The following ADGRG6 variants were observed in gnomAD, a reference collection of about 807,000 sequenced individuals.
ADGRG6 encodes the protein G-protein coupled receptor 126.
ADGRG6 carries 84 observed loss-of-function variants against 142.4 expected under a neutral mutation model. The ratio of observed to expected loss-of-function variants is 0.59; its 90% CI spans 0.49 to 0.71. The LOEUF (loss-of-function observed/expected upper bound fraction) is 0.71. ADGRG6 is among the 30% of genes least tolerant of loss of function. The pLI is 0.00. For missense variants in ADGRG6, 1,367 were observed against 1,466.6 expected, an observed-to-expected ratio of 0.93 and a Z score of 1.11; for synonymous variants, 521 against 520.5, an observed-to-expected ratio of 1.00 and a Z score of -0.01.
At chr6:142,395,055 T>A (rs1147840) in intron 9 of ADGRG6, among the ~76,000 whole-genome samples, 1 of 152,146 alleles carries the variant, frequency 6.6e-6, no homozygotes, top group African/African-American at 2.4e-5. Flanking sequence ...AAATTTCATA[T>A]GAGAATTGAC....
At position 142,324,942 on chromosome 6, in the gene ADGRG6, C is replaced by A. The variant is rs187474779; in HGVS notation, c.103+15298C>A. ...AGGGAGACATTTATAATTAAGGCAACGTATCCACTCTTCAGTTTGATGTGA... is the reference window on the plus strand; with the variant it reads ...AGGGAGACATTTATAATTAAGGCAAAGTATCCACTCTTCAGTTTGATGTGA... On this transcript the variant is annotated intron_variant, in intron 2 of 24. Transcript: ENST00000367609. 1.5e-3 allele frequency among the ~76,000 whole-genome samples: 222 copies of A among 152,122 alleles called. 2 individuals carry two copies. The highest frequency in any genetic ancestry group is 6.8e-3 in the Middle Eastern group (2 of 294).
At chr6:142,334,408 A>T (rs1399236278) in intron 2 of ADGRG6, among the ~76,000 whole-genome samples, 1 of 152,184 alleles carries the variant, frequency 6.6e-6, no homozygotes, top group African/African-American at 2.4e-5. Flanking sequence ...CATGAAGTGA[A>T]TTTGCAAACA....
intron 2 of ADGRG6, among the ~76,000 whole-genome samples, chr6:142,360,409 G>T (rs977741195): frequency 3.1e-4 from 47 of 152,244 alleles, no homozygotes; most frequent in African/African-American, 1.1e-3. Context: ...ATAGAGGAGA[G>T]CTCTATTAGA....
Position 142,416,050 on chromosome 6 carries a change from G to A in ADGRG6, c.2924G>A (p.Cys975Tyr). 1 of 1,611,574 alleles carries A rather than the reference G, an allele frequency of 6.2e-7. No homozygotes were observed. The highest frequency in any genetic ancestry group is 8.5e-7 in the Non-Finnish European group (1 of 1,178,208). Residue 975 changes from cysteine (C) to tyrosine (Y), a missense_variant, in exon 20 of 25, where the codon TGC becomes TAC. By Grantham distance (194) the Cys-to-Tyr change is radical (BLOSUM62 -2). Coordinates refer to ENST00000367609, the MANE Select transcript of ADGRG6 (RefSeq NM_198569.3). ...TYIRRYILKF[C>Y]IIGWGLPALV... ...ATTCGCCGATACATTCTAAAATTCTGCATCATTGGCTGGGGTAAGCCTCTT... is the reference window on the plus strand; with the variant it reads ...ATTCGCCGATACATTCTAAAATTCTACATCATTGGCTGGGGTAAGCCTCTT...
intron 2 of ADGRG6, among the ~76,000 whole-genome samples, chr6:142,326,042 G>T (rs996975183): frequency 1.3e-5 from 2 of 151,890 alleles, no homozygotes; most frequent in African/African-American, 4.8e-5. Flanking sequence ...TAGAAATACA[G>T]GTAGGTTTAG....
chr6:142,315,163 G>C (rs1488703514), intron 2 of ADGRG6, among the ~76,000 whole-genome samples: 2 of 152,130 alleles, frequency 1.3e-5, no homozygotes, highest in African/African-American at 4.8e-5. Context: ...GGGAGCTGTA[G>C]AGTTTAATGG....
chr6:142,398,788 T>C (rs1290102101), intron 10 of ADGRG6, among the ~76,000 whole-genome samples: 2 of 152,206 alleles, frequency 1.3e-5, no homozygotes, highest in Non-Finnish European at 2.9e-5. Context: ...CTCTACTTCA[T>C]GCTGTCCAGA....
At chr6:142,324,006 C>T (rs1390269622) in intron 2 of ADGRG6, among the ~76,000 whole-genome samples, 2 of 152,034 alleles carry the variant, frequency 1.3e-5, no homozygotes, top group Non-Finnish European at 2.9e-5. Flanking sequence ...ACCTAAGCTG[C>T]TTTTTCCTGT....
At chr6:142,397,231 A>G (rs116336042) in intron 9 of ADGRG6, among the ~76,000 whole-genome samples, 1 of 152,058 alleles carries the variant, frequency 6.6e-6, no homozygotes, top group Non-Finnish European at 1.5e-5. Flanking sequence ...AGTTGAAATC[A>G]TAGTTTTATT....
chr6:142,416,444 T>C (rs1776362570), intron 20 of ADGRG6, among the ~76,000 whole-genome samples: 1 of 152,160 alleles, frequency 6.6e-6, no homozygotes, highest in African/African-American at 2.4e-5. Context: ...CCCAGACACA[T>C]GCCTATGTCT....
At chr6:142,327,104 G>C (rs1027965723) in intron 2 of ADGRG6, among the ~76,000 whole-genome samples, 1 of 152,002 alleles carries the variant, frequency 6.6e-6, no homozygotes, top group Non-Finnish European at 1.5e-5. Context: ...GGGTGTGTAT[G>C]CTTTATTAAT....
At chr6:142,341,243 A>G (rs979717944) in intron 2 of ADGRG6, among the ~76,000 whole-genome samples, 4 of 150,228 alleles carry the variant, frequency 2.7e-5, no homozygotes, top group African/African-American at 9.8e-5. Context: ...ATCCTGTTCT[A>G]CCACCTCCAA....
intron 8 of ADGRG6, among the ~76,000 whole-genome samples, chr6:142,393,308 T>C (rs753110023): frequency 1.2e-4 from 19 of 152,158 alleles, no homozygotes; most frequent in Non-Finnish European, 2.6e-4. Context: ...TCTCACACCC[T>C]GGTGGATCAC....
At chr6:142,331,772 A>G (rs532390072) in intron 2 of ADGRG6, among the ~76,000 whole-genome samples, 2 of 152,266 alleles carry the variant, frequency 1.3e-5, no homozygotes, top group Admixed American at 1.3e-4. Flanking sequence ...GTAGGAAAAT[A>G]CGTGTCACTG....
chr6:142,414,366 C>T (rs1314821079), intron 18 of ADGRG6, among the ~76,000 whole-genome samples: 3 of 152,172 alleles, frequency 2.0e-5, no homozygotes, highest in African/African-American at 7.2e-5. Flanking sequence ...ATAAAAAAGT[C>T]TATGACCCCC....
intron 22 of ADGRG6, among the ~76,000 whole-genome samples, chr6:142,425,656 G>A (rs1192123437): frequency 1.3e-5 from 2 of 152,082 alleles, no homozygotes; most frequent in African/African-American, 4.8e-5. Flanking sequence ...GGCGGGATGT[G>A]TGGGAGCATG....
intron 15 of ADGRG6, among the ~76,000 whole-genome samples, 173 bp from the exon 16 acceptor site, chr6:142,407,977 G>A (rs1304830989): frequency 1.3e-5 from 2 of 152,098 alleles, no homozygotes; most frequent in Non-Finnish European, 2.9e-5. Context: ...ATTATAATAA[G>A]GGAAATAGCA....
chr6:142,375,313 A>G (rs1781451206), intron 4 of ADGRG6, among the ~76,000 whole-genome samples: 1 of 152,170 alleles, frequency 6.6e-6, no homozygotes, highest in Non-Finnish European at 1.5e-5. Flanking sequence ...TAACGGAGTC[A>G]ATATATTTGA....
At chr6:142,438,409 A>T in intron 24 of ADGRG6, 45 bp downstream of exon 24, 1 of 1,322,932 alleles carries the variant, frequency 7.6e-7, no homozygotes. Context: ...TCACATTTTC[A>T]TTGCAAAAAT....
Sources: gnomAD v4.1 joint callset for allele counts (sites outside exome capture counted in the v4.1 genomes callset) on GRCh38, gnomAD v4.1.1 for gene constraint, MANE v1.5 for transcripts, NCBI Gene and HGNC (gene_info 2026-07-23, HGNC 2026-07-21) for gene names.